The following CWF19L2 variants were observed in gnomAD, a reference collection of about 807,000 sequenced individuals.
CWF19L2 encodes the protein CWF19-like protein 2.
Under a neutral mutation model 111.7 loss-of-function variants are expected in CWF19L2, and 98 were observed. The ratio of observed to expected loss-of-function variants is 0.88; its 90% confidence interval spans 0.75 to 1.04. The LOEUF is 1.04. Among genes scored for constraint, CWF19L2 ranks in the 50% least tolerant of loss-of-function variants. CWF19L2 has a pLI of 0.00. For missense variants in CWF19L2, 1,101 were observed against 1,051.4 expected, an observed-to-expected ratio of 1.05 and a Z score of -0.65; for synonymous variants, 351 against 342.9, an observed-to-expected ratio of 1.02 and a Z score of -0.26.
chr11:107,360,013 A>C (rs755240403), intron 12 of CWF19L2, among the ~76,000 whole-genome samples: 1 of 152,236 alleles, frequency 6.6e-6, no homozygotes, highest in Non-Finnish European at 1.5e-5. Context: ...TTGCATGCAT[A>C]GATTGCATAG....
At chr11:107,332,163 T>C (rs1051349234) in intron 16 of CWF19L2, among the ~76,000 whole-genome samples, 1 of 152,222 alleles carries the variant, frequency 6.6e-6, no homozygotes, top group Non-Finnish European at 1.5e-5. Flanking sequence ...TTTCCTTAGT[T>C]TAGAACATCA....
At chr11:107,401,619 G>A (rs1321089554) in intron 10 of CWF19L2, among the ~76,000 whole-genome samples, 1 of 152,056 alleles carries the variant, frequency 6.6e-6, no homozygotes, top group East Asian at 1.9e-4. Flanking sequence ...CTTGCTCATG[G>A]GTGAGTAGAA....
intron 5 of CWF19L2, among the ~76,000 whole-genome samples, chr11:107,439,984 T>A (rs602625): frequency 0.17 from 26,011 of 152,058 alleles, 2,414 homozygotes; most frequent in Middle Eastern, 0.27. Context: ...AGGCAACAGA[T>A]GATAGTAGCC....
At chr11:107,367,962 G>C (rs1860456163) in intron 12 of CWF19L2, among the ~76,000 whole-genome samples, 2 of 137,080 alleles carry the variant, frequency 1.5e-5, no homozygotes, top group African/African-American at 5.8e-5. Flanking sequence ...GCAATGTTGA[G>C]AGAATTTTAT....
intron 10 of CWF19L2, chr11:107,403,865 C>T: frequency 1.3e-6 from 1 of 795,042 alleles, no homozygotes; most frequent in Non-Finnish European, 2.2e-6. Context: ...TAGGAATTTC[C>T]TCTTCTCCTC....
intron 3 of CWF19L2, among the ~76,000 whole-genome samples, chr11:107,449,798 CA>C (rs897602216): frequency 2.4e-4 from 36 of 151,674 alleles, no homozygotes; most frequent in African/African-American, 8.2e-4. Context: ...GAAAAAAGAA[CA>C]AAGAAAAAAT....
chr11:107,368,729 C>A lies in CWF19L2; in HGVS notation c.1873-14993G>T, dbSNP rs964176499. ...TTACCATTTAAGTATAAAAACATTT[C>A]TTTTATAGTCATTTTGAAAGGAAAT... On this transcript the variant is annotated intron_variant, in intron 12 of 17. Transcript: ENST00000282251. 1.5e-4 allele frequency among the ~76,000 whole-genome samples: 20 copies of A among 137,816 alleles called. 6 individuals carry two copies. Among genetic ancestry groups the A allele is most frequent in the African/African-American group, 5.8e-4 (20 of 34,654 alleles). 90.4% of individuals were successfully genotyped at this position (137,816 alleles called of 152,430 possible). A position where few individuals can be genotyped will look rare whatever the true frequency, so the allele number is the denominator to read the frequency against.
intron 10 of CWF19L2, chr11:107,403,891 T>C (rs1194455154): frequency 5.0e-6 from 4 of 799,290 alleles, no homozygotes; most frequent in Non-Finnish European, 8.8e-6. Context: ...TTTGAAGAAG[T>C]TCAGCTTCTA....
At chr11:107,403,071 A>G (rs575388946) in intron 10 of CWF19L2, among the ~76,000 whole-genome samples, 22 of 151,610 alleles carry the variant, frequency 1.5e-4, no homozygotes, top group African/African-American at 5.3e-4. Flanking sequence ...GCAAAGGGAT[A>G]AGAATGATAC....
At chr11:107,379,001 G>T (rs1197885248) in intron 12 of CWF19L2, among the ~76,000 whole-genome samples, 2 of 152,044 alleles carry the variant, frequency 1.3e-5, no homozygotes, top group Admixed American at 6.6e-5. Flanking sequence ...TCTAATCTAG[G>T]TTAGATAGTA....
At chr11:107,426,233 A>G (rs913576085) in intron 8 of CWF19L2, among the ~76,000 whole-genome samples, 2 of 151,912 alleles carry the variant, frequency 1.3e-5, no homozygotes, top group Admixed American at 6.6e-5. Flanking sequence ...ATACAAATAA[A>G]CAACACATAA....
intron 10 of CWF19L2, among the ~76,000 whole-genome samples, chr11:107,393,857 T>C (rs922336257): frequency 3.9e-5 from 6 of 152,016 alleles, no homozygotes; most frequent in Non-Finnish European, 2.9e-5. Flanking sequence ...AGGGAAATAA[T>C]AGACACTGTA....
Position 107,411,089 on chromosome 11 carries a change from G to GACA in CWF19L2, c.1617+5119_1617+5120insTGT, listed in dbSNP as rs1861151046. 2.0e-5 allele frequency among the ~76,000 whole-genome samples: 3 copies of GACA among 148,692 alleles called. No homozygotes were observed. The East Asian group carries it at 6.1e-4, about 30-fold the overall frequency. On this transcript the variant is annotated intron_variant, in intron 10 of 17. Coordinates refer to ENST00000282251, the MANE Select transcript of CWF19L2 (RefSeq NM_152434.3). ...GTGGTGTGTGTGTGCGCGCGTGCGT[G>GACA]CACACACACACACACACACACACAC...
intron 14 of CWF19L2, among the ~76,000 whole-genome samples, chr11:107,343,378 C>T (rs1170930013): frequency 2.0e-5 from 3 of 151,934 alleles, no homozygotes; most frequent in African/African-American, 2.4e-5. Flanking sequence ...CTCTCTTCTT[C>T]GGTAATTTCC....
intron 10 of CWF19L2, chr11:107,404,253 G>A (rs1375823845): frequency 3.9e-6 from 3 of 778,436 alleles, no homozygotes; most frequent in African/African-American, 3.4e-5. Flanking sequence ...AAATATTCTT[G>A]TTTTTCTTCA....
rs1419636691 is a variant in CWF19L2 at position 107,368,444 on chromosome 11, A to C, written c.1873-14708T>G. ...CAAATCAGAATTTAAGTATTTAAGC[A>C]TGCTAAAGATTCTTCTATTTTGAAA... On this transcript the variant is annotated intron_variant, in intron 12 of 17. Coordinates refer to ENST00000282251, the MANE Select transcript of CWF19L2 (RefSeq NM_152434.3). Among the ~76,000 whole-genome samples, 5 of 138,460 alleles carry C rather than the reference A, an allele frequency of 3.6e-5. 1 individual carries two copies. The highest frequency in any genetic ancestry group is 1.4e-4 in the African/African-American group (5 of 34,878). 90.8% of individuals were successfully genotyped at this position (138,460 alleles called of 152,430 possible). A position where few individuals can be genotyped will look rare whatever the true frequency, so the allele number is the denominator to read the frequency against.
intron 10 of CWF19L2, among the ~76,000 whole-genome samples, chr11:107,408,368 G>C (rs369536514): frequency 3.4e-4 from 51 of 151,924 alleles, no homozygotes; most frequent in African/African-American, 1.2e-3. Context: ...TACTTAGGAG[G>C]TCAAGACAAG....
intron 12 of CWF19L2, among the ~76,000 whole-genome samples, chr11:107,362,920 T>C (rs892766751): frequency 5.3e-5 from 8 of 151,712 alleles, no homozygotes; most frequent in Non-Finnish European, 1.0e-4. Flanking sequence ...AGTTGAAAAC[T>C]TTGAAAAAAA....
intron 14 of CWF19L2, among the ~76,000 whole-genome samples, chr11:107,346,529 T>C (rs984194797): frequency 6.6e-6 from 1 of 152,140 alleles, no homozygotes; most frequent in Non-Finnish European, 1.5e-5. Flanking sequence ...CTGCAGAACC[T>C]TCAAAAGGCT....
Sources: allele counts gnomAD v4.1 joint callset (sites outside exome capture counted in the v4.1 genomes callset), GRCh38; gene constraint gnomAD v4.1.1; transcripts MANE v1.5; gene names NCBI Gene and HGNC (gene_info 2026-07-23, HGNC 2026-07-21).